PSD3: variants seen among roughly 807,000 people sequenced by gnomAD.
The protein encoded by PSD3 is pleckstrin and Sec7 domain containing 3.
Under a neutral mutation model 105.5 loss-of-function variants are expected in PSD3, and 49 were observed. The ratio of observed to expected loss-of-function variants is 0.46; its 90% confidence interval spans 0.37 to 0.59. The LOEUF is 0.59. Among genes scored for constraint, PSD3 ranks in the 20% least tolerant of loss-of-function variants. The pLI is 0.00. For missense variants in PSD3, 1,561 were observed against 1,263.8 expected (o/e 1.24, Z -3.57); for synonymous variants, 557 against 457.8 (o/e 1.22, Z -2.77).
chr8:18,562,214 T>C (rs7016943), intron 14 of PSD3, among the ~76,000 whole-genome samples: 25,926 of 152,052 alleles, frequency 0.17, 2,477 homozygotes, highest in East Asian at 0.4. Flanking sequence ...ACCAGTCTTT[T>C]CCTCCAAGCT....
chr8:18,821,863 G>GCCC (rs1812760454), intron 4 of PSD3, among the ~76,000 whole-genome samples: 4 of 99,962 alleles, frequency 4.0e-5, no homozygotes, highest in African/African-American at 8.7e-5. Context: ...GCACACACAT[G>GCCC]CACACACACC....
At chr8:18,749,816 G>GA (rs1367346062) in intron 9 of PSD3, among the ~76,000 whole-genome samples, 2 of 152,166 alleles carry the variant, frequency 1.3e-5, no homozygotes, top group Non-Finnish European at 2.9e-5. Context: ...GTGACCGCTA[G>GA]AAGCTGAGGA....
intron 4 of PSD3, among the ~76,000 whole-genome samples, chr8:18,863,564 G>T (rs542985883): frequency 3.9e-4 from 60 of 152,256 alleles, no homozygotes; most frequent in Middle Eastern, 3.4e-3. Context: ...CTGGGAGAAT[G>T]CATTAGGCTG....
At chr8:18,739,061 T>C (rs1277422805) in intron 9 of PSD3, among the ~76,000 whole-genome samples, 1 of 152,194 alleles carries the variant, frequency 6.6e-6, no homozygotes, top group African/African-American at 2.4e-5. Flanking sequence ...ATTTAATTAA[T>C]AAACATGTTT....
At chr8:18,838,514 T>C (rs184403148) in intron 4 of PSD3, among the ~76,000 whole-genome samples, 146 of 152,218 alleles carry the variant, frequency 9.6e-4, no homozygotes, top group African/African-American at 3.5e-3. Context: ...TTAAAAATAA[T>C]GTTCCGGCTG....
At chr8:19,028,414 G>A (rs968927330) in intron 1 of PSD3, among the ~76,000 whole-genome samples, 13 of 151,176 alleles carry the variant, frequency 8.6e-5, no homozygotes, top group Admixed American at 4.6e-4. Flanking sequence ...GTGCAGTGGC[G>A]TGATTGTAAC....
intron 10 of PSD3, among the ~76,000 whole-genome samples, chr8:18,634,540 G>A (rs960562615): frequency 1.3e-5 from 2 of 151,910 alleles, no homozygotes; most frequent in Admixed American, 1.3e-4. Context: ...TCTATTCTAG[G>A]ATCCTATCCA....
chr8:18,807,361 C>G (rs1490841757), intron 4 of PSD3, among the ~76,000 whole-genome samples: 5 of 152,170 alleles, frequency 3.3e-5, no homozygotes. Context: ...AGCAACTCTT[C>G]TCCAAGCACA....
At chr8:18,618,442 C>A (rs1298993068) in intron 11 of PSD3, among the ~76,000 whole-genome samples, 6 of 151,376 alleles carry the variant, frequency 4.0e-5, no homozygotes, top group Non-Finnish European at 7.4e-5. Flanking sequence ...ATTTTACAGA[C>A]TTTGGCTTTT....
intron 9 of PSD3, among the ~76,000 whole-genome samples, chr8:18,737,143 G>C (rs1804207699): frequency 6.6e-6 from 1 of 152,224 alleles, no homozygotes; most frequent in Admixed American, 6.5e-5. Context: ...TCTGGGGATA[G>C]AGGCTGTGCA....
At chr8:18,759,107 C>CTT (rs1806302984) in intron 9 of PSD3, among the ~76,000 whole-genome samples, 1 of 151,920 alleles carries the variant, frequency 6.6e-6, no homozygotes, top group African/African-American at 2.4e-5. Flanking sequence ...CTCTCTCTCT[C>CTT]TCTCTCTCTT....
intron 1 of PSD3, among the ~76,000 whole-genome samples, chr8:19,025,663 C>G (rs1827523455): frequency 6.6e-6 from 1 of 152,192 alleles, no homozygotes; most frequent in African/African-American, 2.4e-5. Flanking sequence ...GTGGCAACCC[C>G]AGACTTACTG....
intron 9 of PSD3, among the ~76,000 whole-genome samples, chr8:18,688,376 C>T (rs372343940): frequency 1.3e-5 from 2 of 152,122 alleles, no homozygotes; most frequent in East Asian, 1.9e-4. Context: ...GGATTATGGG[C>T]GTGAGCCACT....
At chr8:18,632,313 GGT>G (rs1161716980) in intron 11 of PSD3, among the ~76,000 whole-genome samples, 6 of 152,114 alleles carry the variant, frequency 3.9e-5, no homozygotes, top group African/African-American at 1.4e-4. Flanking sequence ...CTGTATTTCT[GGT>G]GGCTGGCACA....
chr8:18,828,399 G>A (rs953124831), intron 4 of PSD3, among the ~76,000 whole-genome samples: 15 of 151,944 alleles, frequency 9.9e-5, no homozygotes, highest in African/African-American at 2.4e-4. Flanking sequence ...TCATTTATAC[G>A]TTACAGCAAC....
intron 14 of PSD3, among the ~76,000 whole-genome samples, chr8:18,561,064 T>A (rs973999553): frequency 2.0e-5 from 3 of 152,182 alleles, no homozygotes; most frequent in African/African-American, 7.2e-5. Flanking sequence ...AATTACCAAA[T>A]AATCTAGCAA....
intron 9 of PSD3, among the ~76,000 whole-genome samples, chr8:18,746,658 T>G (rs1454736521): frequency 1.3e-5 from 2 of 152,248 alleles, no homozygotes; most frequent in Admixed American, 6.5e-5. Flanking sequence ...GTACTGTTCT[T>G]TTTGTCTTCA....
At chr8:18,732,178 G>A (rs1276152573) in intron 9 of PSD3, among the ~76,000 whole-genome samples, 2 of 148,708 alleles carry the variant, frequency 1.3e-5, no homozygotes, top group East Asian at 2.0e-4. Flanking sequence ...CCTCCCCCCC[G>A]AAAAAAAAAC....
Position 18,632,762 on chromosome 8 carries a change from T to TC in PSD3, c.2260dup (p.Glu754GlyfsTer4), listed in dbSNP as rs1563402022. The TC allele has an allele frequency of 6.2e-7, 1 of 1,603,540 alleles. No individual in the cohort carries two copies. The highest frequency in any genetic ancestry group is 8.5e-7 in the Non-Finnish European group (1 of 1,171,964). ...CTTTGGATGTGTTCCGTTAGCTTTC[T>TC]CCTCAGTACTTTCTGAGGGAGACTT... On this transcript the variant is annotated frameshift_variant, in exon 11 of 16. Transcript: ENST00000327040. LOFTEE classifies it high-confidence loss of function.
Sources: gnomAD v4.1 joint callset for allele counts (sites outside exome capture counted in the v4.1 genomes callset) on GRCh38, gnomAD v4.1.1 for gene constraint, MANE v1.5 for transcripts, NCBI Gene and HGNC (gene_info 2026-07-23, HGNC 2026-07-21) for gene names.